Variants in ZNF765 observed in about 807,000 individuals in gnomAD.
ZNF765 encodes zinc finger protein 765.
A neutral mutation model predicts 44.7 loss-of-function variants in ZNF765; 37 were observed. That is an observed-to-expected ratio of 0.83 (90% confidence interval 0.64 to 1.09). The LOEUF (loss-of-function observed/expected upper bound fraction) is 1.09, where lower values mean the gene tolerates loss of function less well. Ranked by LOEUF, ZNF765 falls within the 50% of genes least tolerant of loss-of-function variation. The pLI is 0.00. For missense variants in ZNF765, 594 were observed against 626.1 expected, an observed-to-expected ratio of 0.95 and a Z score of 0.55; for synonymous variants, 201 against 213.7, an observed-to-expected ratio of 0.94 and a Z score of 0.52.
chr19:53,401,889 A>G, intron 2 of ZNF765, 176 bp from the exon 3 acceptor site: 1 of 1,521,148 alleles, frequency 6.6e-7, no homozygotes, highest in Admixed American at 1.7e-5. Context: ...AAAAAAAAAA[A>G]AGAACTTTAG....
chr19:53,422,895 T>G (rs2085915530), intron 3 of ZNF765, among the ~76,000 whole-genome samples: 1 of 152,188 alleles, frequency 6.6e-6, no homozygotes. Flanking sequence ...TCTGTCCTTT[T>G]ACATCACTGG....
At chr19:53,414,480 CACA>C (rs2085860899), downstream of ZNF765, among the ~76,000 whole-genome samples, 1 of 8,648 alleles carries the variant, frequency 1.2e-4, no homozygotes, top group African/African-American at 3.5e-4. Context: ...CACACACACA[CACA>C]CACACACCCC....
chr19:53,410,993 T>G lies in ZNF765; in HGVS notation c.*1866T>G. Reference sequence around the variant, plus strand: ...TTGCAGGATATCAGAAAATTCATTTTGGAGATAGTTGTTCCAAATACAATG... The same window carrying G: ...TTGCAGGATATCAGAAAATTCATTTGGGAGATAGTTGTTCCAAATACAATG... On this transcript the variant is annotated 3_prime_UTR_variant, in exon 4 of 4. Coordinates refer to ENST00000396408, the MANE Select transcript of ZNF765 (RefSeq NM_001040185.3). 1 of 358,554 alleles carries G rather than the reference T, an allele frequency of 2.8e-6. No homozygotes were observed. Among genetic ancestry groups the G allele is most frequent in the South Asian group, 2.3e-5 (1 of 42,704 alleles). 22.2% of individuals were successfully genotyped at this position (358,554 alleles called of 1,614,324 possible). A position where few individuals can be genotyped will look rare whatever the true frequency, so the allele number is the denominator to read the frequency against.
intron 3 of ZNF765, among the ~76,000 whole-genome samples, chr19:53,402,451 G>A (rs531881058): frequency 2.0e-5 from 3 of 151,894 alleles, no homozygotes; most frequent in South Asian, 2.1e-4. Context: ...TACTAGAGAC[G>A]GAGTTTCACC....
chr19:53,413,767 G>A (rs1797336881), downstream of ZNF765, among the ~76,000 whole-genome samples: 1 of 151,078 alleles, frequency 6.6e-6, no homozygotes, highest in Non-Finnish European at 1.5e-5. Flanking sequence ...TACTATATTG[G>A]AAAAATCTAC....
At chr19:53,414,766 C>T (rs189697142), downstream of ZNF765, among the ~76,000 whole-genome samples, 308 of 149,048 alleles carry the variant, frequency 2.1e-3, 2 homozygotes, top group African/African-American at 7.4e-3. Flanking sequence ...GTCCAATAAT[C>T]CTCTATCCAA....
At chr19:53,412,671 T>A (rs1040173347), downstream of ZNF765, among the ~76,000 whole-genome samples, 1 of 152,068 alleles carries the variant, frequency 6.6e-6, no homozygotes, top group Non-Finnish European at 1.5e-5. Context: ...AGATGCAGTG[T>A]CACCACACCC....
chr19:53,404,295 C>T (rs761956110), intron 3 of ZNF765, among the ~76,000 whole-genome samples: 2 of 152,018 alleles, frequency 1.3e-5, no homozygotes, highest in Non-Finnish European at 2.9e-5. Context: ...AGGCTGGTCT[C>T]GAACCCCTGC....
Position 53,398,019 on chromosome 19 carries a change from G to T in ZNF765, c.4G>T (p.Ala2Ser). 6.2e-7 allele frequency: 1 copy of T among 1,613,668 alleles called. No homozygotes were observed. The highest frequency in any genetic ancestry group is 8.5e-7 in the Non-Finnish European group (1 of 1,179,978). ...GAGGAAAGCAAAGGAGTCAGGGATGGCTCTTCCTCAGGTGAGATGATATTC... is the reference window on the plus strand; with the variant it reads ...GAGGAAAGCAAAGGAGTCAGGGATGTCTCTTCCTCAGGTGAGATGATATTC... M[A>S]LPQGLLTFRD... is the part of the protein sequence containing the mutation. The change falls in exon 2 of 4, where the codon GCT (alanine) becomes TCT (serine). Residue 2 changes from alanine to serine, a missense_variant. Transcript: ENST00000396408.
At chr19:53,403,801 C>G (rs1025048627) in intron 3 of ZNF765, among the ~76,000 whole-genome samples, 1 of 151,394 alleles carries the variant, frequency 6.6e-6, no homozygotes, top group Non-Finnish European at 1.5e-5. Context: ...GAGATTGTGC[C>G]ACTGCCCTCC....
Position 53,418,116 on chromosome 19 carries a change from G to A in ZNF765, c.143-4946G>A, listed in dbSNP as rs549686259. Among the ~76,000 whole-genome samples, 15 of 152,232 alleles carry A rather than the reference G, an allele frequency of 9.9e-5. No homozygotes were observed. In the South Asian group the frequency reaches 1.5e-3, roughly 15 times the overall value. Reference sequence around the variant, plus strand: ...ATAAAAGTTTTAAAAATATAATAGCGTCCTGGCTGGGCACGGTGGCTCACG... The same window carrying A: ...ATAAAAGTTTTAAAAATATAATAGCATCCTGGCTGGGCACGGTGGCTCACG... On this transcript the variant is annotated intron_variant, in intron 3 of 3. Coordinates refer to the ZNF765 transcript ENST00000594030.
chr19:53,415,279 AAAAG>A (rs957225692), downstream of ZNF765, among the ~76,000 whole-genome samples: 5 of 151,982 alleles, frequency 3.3e-5, no homozygotes, highest in African/African-American at 7.3e-5. Context: ...TCGAAAAAAA[AAAAG>A]AAAAGAAAAA....
exon 4 of ZNF765, chr19:53,426,815 C>G (rs1237464093): frequency 6.6e-6 from 1 of 152,044 alleles, no homozygotes; most frequent in Non-Finnish European, 1.5e-5. Flanking sequence ...AAACCAGTCC[C>G]TGGTGCCAAA....
intron 2 of ZNF765, among the ~76,000 whole-genome samples, chr19:53,400,359 T>C (rs2085711397): frequency 6.6e-6 from 1 of 152,196 alleles, no homozygotes; most frequent in South Asian, 2.1e-4. Context: ...AGTGCCATAG[T>C]GGCTGCCTCT....
chr19:53,413,396 T>C, downstream of ZNF765: 1 of 541,214 alleles, frequency 1.8e-6, no homozygotes, highest in Non-Finnish European at 3.5e-6. Flanking sequence ...AGCATTACAA[T>C]CATGTTACCA....
At chr19:53,414,489 ACCCCCCCC>A (rs1160212994), downstream of ZNF765, among the ~76,000 whole-genome samples, 7 of 5,098 alleles carry the variant, frequency 1.4e-3, no homozygotes, top group East Asian at 0.01. Context: ...ACACACACAC[ACCCCCCCC>A]CCCCCCCCCC....
chr19:53,401,492 G>C (rs1278015335), intron 2 of ZNF765, among the ~76,000 whole-genome samples: 2 of 151,848 alleles, frequency 1.3e-5, no homozygotes, highest in East Asian at 3.9e-4. Context: ...GAACCGGGGA[G>C]GCGGAGCTTG....
exon 4 of ZNF765, chr19:53,425,137 A>T (rs1311695551): frequency 6.6e-6 from 1 of 152,256 alleles, no homozygotes; most frequent in East Asian, 1.9e-4. Context: ...GACAGCGGCC[A>T]ACAGGCTGTG....
chr19:53,423,527 A>T (rs1197805960), exon 4 of ZNF765: 1 of 380,218 alleles, frequency 2.6e-6, no homozygotes, highest in African/African-American at 2.2e-5. Context: ...GTCCTTTTAC[A>T]CTCTCTCTTC....
Sources: allele counts gnomAD v4.1 joint callset (sites outside exome capture counted in the v4.1 genomes callset), GRCh38; gene constraint gnomAD v4.1.1; transcripts MANE v1.5; gene names NCBI Gene and HGNC (gene_info 2026-07-23, HGNC 2026-07-21).